SERINC5: variants seen among roughly 807,000 people sequenced by gnomAD.
SERINC5 encodes the protein chromosome 5 open reading frame 12.
In SERINC5, 41 loss-of-function variants were observed where a neutral mutation model predicts 63.1. The ratio of observed to expected loss-of-function variants is 0.65; its 90% confidence interval spans 0.51 to 0.84. SERINC5 has a LOEUF of 0.84. Among genes scored for constraint, SERINC5 ranks in the 40% least tolerant of loss-of-function variants. The probability of loss-of-function intolerance (pLI) is 0.00; values close to 1 mark genes in which losing one functional copy is unlikely to be tolerated. For synonymous variants in SERINC5, 222 were observed against 215.2 expected, an observed-to-expected ratio of 1.03 and a Z score of -0.28; for missense variants, 523 against 573.0, an observed-to-expected ratio of 0.91 and a Z score of 0.89.
intron 7 of SERINC5, 88 bp from the exon 8 acceptor site, chr5:80,159,050 G>A (rs1160710010): frequency 1.4e-6 from 2 of 1,385,350 alleles, no homozygotes; most frequent in South Asian, 1.2e-5. Flanking sequence ...AATTCAGGTA[G>A]CTGTGGTGTA....
intron 1 of SERINC5, among the ~76,000 whole-genome samples, chr5:80,246,621 T>C (rs1259706096): frequency 1.3e-5 from 2 of 152,174 alleles, no homozygotes; most frequent in African/African-American, 4.8e-5. Context: ...TCCTTAAACA[T>C]CAGCAATTTT....
intron 1 of SERINC5, among the ~76,000 whole-genome samples, chr5:80,215,216 A>ACAGGGAGTGT (rs1365371159): frequency 4.1e-4 from 63 of 152,244 alleles, no homozygotes; most frequent in African/African-American, 1.4e-3. Flanking sequence ...TGTTCTCACA[A>ACAGGGAGTGT]CAGGGAGTGT....
At chr5:80,161,728 T>G (rs1423678301) in intron 7 of SERINC5, among the ~76,000 whole-genome samples, 2 of 152,212 alleles carry the variant, frequency 1.3e-5, no homozygotes, top group African/African-American at 4.8e-5. Context: ...TTTGTCTGGT[T>G]TTGTTTTTGT....
At chr5:80,138,385 C>G (rs1318998061), downstream of SERINC5, among the ~76,000 whole-genome samples, 1 of 152,048 alleles carries the variant, frequency 6.6e-6, no homozygotes, top group Admixed American at 6.5e-5. Flanking sequence ...CACCTGTAGT[C>G]AGGAGTTCAA....
At chr5:80,225,139 C>A (rs895643022) in intron 1 of SERINC5, among the ~76,000 whole-genome samples, 20 of 152,230 alleles carry the variant, frequency 1.3e-4, no homozygotes, top group African/African-American at 4.8e-4. Flanking sequence ...CTGGGTTTCA[C>A]CATGTTGCCC....
At chr5:80,173,225 A>AGAAGGAAG (rs58622143) in intron 5 of SERINC5, among the ~76,000 whole-genome samples, 2,210 of 137,812 alleles carry the variant, frequency 0.016, 33 homozygotes, top group African/African-American at 0.028. Flanking sequence ...CAGGAAGGAA[A>AGAAGGAAG]GAAGGAAGGA....
chr5:80,134,357 GCA>G (rs1403178439), downstream of SERINC5, among the ~76,000 whole-genome samples: 2 of 152,070 alleles, frequency 1.3e-5, no homozygotes, highest in Non-Finnish European at 2.9e-5. Context: ...GTGGTGGCGT[GCA>G]CCTGTAGTCC....
rs556297318 is a variant in SERINC5 at position 80,245,292 on chromosome 5, C to A, written c.27+10604G>T. ...AACAACACAACTGTGTGTGCAACTG[C>A]AGGATTGCATGGATCTCTAGAGCCC... On this transcript the variant is annotated intron_variant, in intron 1 of 11. Coordinates refer to ENST00000507668, the MANE Select transcript of SERINC5 (RefSeq NM_001174072.3). Among the ~76,000 whole-genome samples the A allele has an allele frequency of 1.5e-4, 23 of 152,298 alleles. 1 individual carries two copies. The South Asian group carries it at 4.8e-3, about 32-fold the overall frequency.
At chr5:80,162,340 G>A (rs1398367736) in intron 7 of SERINC5, among the ~76,000 whole-genome samples, 1 of 152,156 alleles carries the variant, frequency 6.6e-6, no homozygotes, top group Non-Finnish European at 1.5e-5. Flanking sequence ...CCTGATCCAT[G>A]AGCATGGGAT....
intron 7 of SERINC5, among the ~76,000 whole-genome samples, chr5:80,159,710 C>T (rs977016273): frequency 6.6e-6 from 1 of 152,188 alleles, no homozygotes; most frequent in African/African-American, 2.4e-5. Context: ...TCACCAAGGG[C>T]CAATGGTTTA....
Position 80,146,243 on chromosome 5 carries a change from C to A in SERINC5, c.1094-9G>T. On this transcript the variant is annotated splice_polypyrimidine_tract_variant and intron_variant, in intron 10 of 11. Coordinates refer to ENST00000507668, the MANE Select transcript of SERINC5 (RefSeq NM_001174072.3). Reference sequence around the variant, plus strand: ...CTGCTGCTCTTCAGTGTCTGTGAAGCACAGAGGGAGCCCAGGCTCAATGAG... The same window carrying A: ...CTGCTGCTCTTCAGTGTCTGTGAAGAACAGAGGGAGCCCAGGCTCAATGAG... 1 of 1,613,846 alleles carries A rather than the reference C, an allele frequency of 6.2e-7. No homozygotes were observed.
At chr5:80,232,842 G>C (rs912839483) in intron 1 of SERINC5, among the ~76,000 whole-genome samples, 4 of 152,050 alleles carry the variant, frequency 2.6e-5, no homozygotes, top group Non-Finnish European at 4.4e-5. Flanking sequence ...GATGAACCTT[G>C]AGAACATACT....
chr5:80,141,631 G>A lies in SERINC5; in HGVS notation c.*2032C>T. The A allele has an allele frequency of 2.0e-6, 2 of 985,510 alleles. No individual in the cohort carries two copies. The highest frequency in any genetic ancestry group is 2.4e-6 in the Non-Finnish European group (2 of 830,022). 61.0% of individuals were successfully genotyped at this position (985,510 alleles called of 1,614,324 possible). A position where few individuals can be genotyped will look rare whatever the true frequency, so the allele number is the denominator to read the frequency against. On this transcript the variant is annotated 3_prime_UTR_variant, in exon 12 of 12. Transcript: ENST00000507668. The stretch of plus-strand genomic sequence containing the variant: ...CTAAAGACAACCCCCAAGGCCCTAG[G>A]CCACTGCAACACAGCTACTGTGTGT...
chr5:80,237,506 G>T (rs925064918), intron 1 of SERINC5, among the ~76,000 whole-genome samples: 1 of 151,568 alleles, frequency 6.6e-6, no homozygotes, highest in Non-Finnish European at 1.5e-5. Context: ...TCTAATGTTT[G>T]TATTTTTTTG....
intron 2 of SERINC5, among the ~76,000 whole-genome samples, chr5:80,186,657 A>T (rs972734674): frequency 1.3e-5 from 2 of 152,308 alleles, no homozygotes; most frequent in Admixed American, 1.3e-4. Flanking sequence ...CACAGGAGAG[A>T]TGCTAGCTAT....
At chr5:80,200,339 A>G (rs1749750960) in intron 2 of SERINC5, among the ~76,000 whole-genome samples, 1 of 139,798 alleles carries the variant, frequency 7.2e-6, no homozygotes, top group Middle Eastern at 3.6e-3. Context: ...AAAAAAAATT[A>G]GCCAGGCGTG....
intron 11 of SERINC5, among the ~76,000 whole-genome samples, chr5:80,117,968 C>T (rs917327464): frequency 2.0e-5 from 3 of 151,390 alleles, no homozygotes; most frequent in African/African-American, 4.9e-5. Flanking sequence ...GTTGGGAGGC[C>T]GAGGTGGGCA....
chr5:80,212,395 T>C (rs1344357736), intron 1 of SERINC5, among the ~76,000 whole-genome samples: 1 of 152,128 alleles, frequency 6.6e-6, no homozygotes, highest in Non-Finnish European at 1.5e-5. Flanking sequence ...AACTACAGAG[T>C]TCCACACCTT....
downstream of SERINC5, among the ~76,000 whole-genome samples, chr5:80,134,716 C>T (rs930661716): frequency 2.0e-5 from 3 of 152,174 alleles, no homozygotes; most frequent in African/African-American, 7.2e-5. Flanking sequence ...CTCTGGTCAA[C>T]ATGAGGCCCT....
Sources: allele counts gnomAD v4.1 joint callset (sites outside exome capture counted in the v4.1 genomes callset), GRCh38; gene constraint gnomAD v4.1.1; transcripts MANE v1.5; gene names NCBI Gene and HGNC (gene_info 2026-07-23, HGNC 2026-07-21).